NDUFB8: variants seen among roughly 807,000 people sequenced by gnomAD.
NDUFB8 encodes NADH:ubiquinone oxidoreductase subunit B8.
A neutral mutation model predicts 26.0 loss-of-function variants in NDUFB8; 17 were observed. That is an observed-to-expected ratio of 0.65 (90% confidence interval 0.45 to 0.98). NDUFB8 has a LOEUF of 0.98. NDUFB8 is among the 50% of genes least tolerant of loss of function. The probability of loss-of-function intolerance (pLI) is 0.00; values close to 1 mark genes in which losing one functional copy is unlikely to be tolerated. For missense variants in NDUFB8, 238 were observed against 255.0 expected (o/e 0.93, Z 0.45); for synonymous variants, 89 against 93.1 (o/e 0.96, Z 0.25).
chr10:100,526,372 C>G (rs1564657799), intron 4 of NDUFB8, 27 bp downstream of exon 4: 1 of 1,562,076 alleles, frequency 6.4e-7, no homozygotes, highest in Middle Eastern at 1.9e-4. Flanking sequence ...GCAAGCGTGC[C>G]TAAGGGAGCA....
At chr10:100,526,905 C>T in intron 3 of NDUFB8, 70 bp downstream of exon 3, 1 of 1,397,144 alleles carries the variant, frequency 7.2e-7, no homozygotes, top group African/African-American at 1.4e-5. Context: ...CAAAGAAGTG[C>T]CATCTGAGCT....
At position 100,524,442 on chromosome 10, in the gene NDUFB8, C is replaced by G. The variant is rs1369995421; in HGVS notation, c.469-513G>C. Among the ~76,000 whole-genome samples, 1 of 152,110 alleles carries G rather than the reference C, an allele frequency of 6.6e-6. No individual in the cohort carries two copies. Among genetic ancestry groups the G allele is most frequent in the African/African-American group, 2.4e-5 (1 of 41,418 alleles). On this transcript the variant is annotated intron_variant, in intron 4 of 4. Transcript: ENST00000299166. This position sits in a 1 kb window ranked among gnomAD's most constrained non-coding sequence, Gnocchi z 4.0. ...AGGCTGGGACGTGCTTTAGGGGCTG[C>G]TGGCTTTACCAACAAACAGCTGTCA...
At chr10:100,528,269 G>C (rs572648561) in intron 2 of NDUFB8, among the ~76,000 whole-genome samples, 3 of 152,266 alleles carry the variant, frequency 2.0e-5, no homozygotes, top group Middle Eastern at 3.4e-3. Flanking sequence ...ATAAAGCCGA[G>C]GTGTGTAGCA....
Position 100,526,990 on chromosome 10 carries a change from C to A in NDUFB8, c.297G>T (p.Leu99Phe), listed in dbSNP as rs780865155. The A allele has an allele frequency of 1.3e-5, 21 of 1,614,020 alleles. No homozygotes were observed. Among genetic ancestry groups the A allele is most frequent in the Non-Finnish European group, 1.8e-5 (21 of 1,180,006 alleles). Residue 99 changes from leucine (L) to phenylalanine (F), a missense_variant, in exon 3 of 5, where the codon TTG (leucine) becomes TTT (phenylalanine). Coordinates refer to ENST00000299166, the MANE Select transcript of NDUFB8 (RefSeq NM_005004.4). ...WYSWDQPGLRLNWGEPMHWHL... is the reference protein window; with the variant it reads ...WYSWDQPGLRFNWGEPMHWHL... ...GTTCTCTTACCGGTTCACCCCAGTT[C>A]AACCTCAGGCCCGGCTGGTCCCAGC...
At chr10:100,526,907 A>G in intron 3 of NDUFB8, 68 bp downstream of exon 3, 1 of 1,432,870 alleles carries the variant, frequency 7.0e-7, no homozygotes, top group Non-Finnish European at 9.8e-7. Context: ...AAGAAGTGCC[A>G]TCTGAGCTAA....
chr10:100,529,752 C>T lies in NDUFB8; in HGVS notation c.85+15G>A. 1.2e-6 allele frequency: 2 copies of T among 1,612,154 alleles called. No homozygotes were observed. Among genetic ancestry groups the T allele is most frequent in the Non-Finnish European group, 1.7e-6 (2 of 1,179,516 alleles). On this transcript the variant is annotated intron_variant, in intron 1 of 4. Coordinates refer to ENST00000299166, the MANE Select transcript of NDUFB8 (RefSeq NM_005004.4). Reference sequence around the variant, plus strand: ...ACCCCCTTCCCACACTGAGGTCTCGCCCGTTCTCGCGGACCTGTCCGTGCG... The same window carrying T: ...ACCCCCTTCCCACACTGAGGTCTCGTCCGTTCTCGCGGACCTGTCCGTGCG...
chr10:100,524,714 A>C lies in NDUFB8; in HGVS notation c.469-785T>G, dbSNP rs1291274304. Among the ~76,000 whole-genome samples the C allele has an allele frequency of 6.6e-6, 1 of 152,228 alleles. No homozygotes were observed. The highest frequency in any genetic ancestry group is 1.5e-5 in the Non-Finnish European group (1 of 68,036). On this transcript the variant is annotated intron_variant, in intron 4 of 4. Coordinates refer to ENST00000299166, the MANE Select transcript of NDUFB8 (RefSeq NM_005004.4). The surrounding 1 kb of genome is among the most constrained non-coding windows in gnomAD (Gnocchi z 4.0). ...GCACTGGGCAGCCAACTGCAAACAC[A>C]GCAGCCTCCCTGCTTTCAGCTTCTC...
intron 2 of NDUFB8, among the ~76,000 whole-genome samples, chr10:100,528,432 G>C (rs765937791): frequency 2.0e-5 from 3 of 152,134 alleles, no homozygotes; most frequent in Non-Finnish European, 2.9e-5. Context: ...AAAAATTAAA[G>C]TTTAGAGTCT....
At chr10:100,529,314 A>C in intron 2 of NDUFB8, 66 bp downstream of exon 2, 1 of 1,455,874 alleles carries the variant, frequency 6.9e-7, no homozygotes, top group Non-Finnish European at 9.1e-7. Context: ...GTCACAGTCA[A>C]GCCACCCAAC....
At chr10:100,525,440 G>A (rs1449402986) in intron 4 of NDUFB8, among the ~76,000 whole-genome samples, 1 of 151,660 alleles carries the variant, frequency 6.6e-6, no homozygotes, top group Non-Finnish European at 1.5e-5. Context: ...TGTATACTTT[G>A]TAGAGACGGG....
chr10:100,529,570 G>A (rs936635438), intron 1 of NDUFB8, 64 bp from the exon 2 acceptor site: 27 of 1,598,606 alleles, frequency 1.7e-5, no homozygotes, highest in Middle Eastern at 1.7e-4. Flanking sequence ...AAGGCTTCAA[G>A]TCGCAGGGGC....
intron 4 of NDUFB8, 163 bp downstream of exon 4, chr10:100,526,236 T>A (rs575923504): frequency 1.5e-6 from 1 of 685,458 alleles, no homozygotes; most frequent in East Asian, 3.3e-5. Context: ...AGTGCTGTGG[T>A]ACTTGTGGCA....
intron 3 of NDUFB8, 197 bp from the exon 4 acceptor site, chr10:100,526,751 A>G: frequency 1.3e-6 from 1 of 756,078 alleles, no homozygotes; most frequent in Non-Finnish European, 2.1e-6. Flanking sequence ...CTGAATAGGG[A>G]CAGCTCCATC....
rs374478312 is a variant in NDUFB8, at chr10:100,529,266, T to C, written c.212+114A>G. The C allele has an allele frequency of 9.3e-5, 55 of 592,526 alleles. No individual in the cohort carries two copies. The African/African-American group carries it at 1.3e-3, about 13-fold the overall frequency. 36.7% of individuals were successfully genotyped at this position (592,526 alleles called of 1,614,324 possible). A position where few individuals can be genotyped will look rare whatever the true frequency, so the allele number is the denominator to read the frequency against. ...TCCACAGAGAAAAGCACCCACTCCA[T>C]TGACTCTGAGGGGTCACGAGAAGGT... On this transcript the variant is annotated intron_variant, in intron 2 of 4. Transcript: ENST00000299166.
At chr10:100,527,158 A>C in intron 2 of NDUFB8, 84 bp from the exon 3 acceptor site, 4 of 1,136,084 alleles carry the variant, frequency 3.5e-6, no homozygotes, top group Non-Finnish European at 5.2e-6. Flanking sequence ...ATGAGAAACA[A>C]AGTGACAGAG....
chr10:100,524,239 T>TA lies in NDUFB8; in HGVS notation c.469-311dup. 1.8e-6 allele frequency: 2 copies of TA among 1,082,234 alleles called. No individual in the cohort carries two copies. Among genetic ancestry groups the TA allele is most frequent in the Non-Finnish European group, 2.8e-6 (2 of 725,242 alleles). The allele number at this position is 1,082,234 out of a possible 1,614,324, so 67.0% of individuals were successfully genotyped here. ...GGTAAAGAAAGAGAGAAGAGTGTGT[T>TA]AGAGTCAGAGGCAACACTTTCTAAA... On this transcript the variant is annotated intron_variant, in intron 4 of 4. Coordinates refer to ENST00000299166, the MANE Select transcript of NDUFB8 (RefSeq NM_005004.4). The surrounding 1 kb of genome is among the most constrained non-coding windows in gnomAD (Gnocchi z 4.0).
chr10:100,526,731 C>A, intron 3 of NDUFB8, 177 bp from the exon 4 acceptor site: 2 of 810,768 alleles, frequency 2.5e-6, no homozygotes, highest in Non-Finnish European at 3.9e-6. Context: ...TGGCCTCTGT[C>A]TAGGTTCTGC....
At chr10:100,528,670 G>A (rs1852092275) in intron 2 of NDUFB8, among the ~76,000 whole-genome samples, 1 of 152,176 alleles carries the variant, frequency 6.6e-6, no homozygotes. Flanking sequence ...GAAAAAACAG[G>A]AAATGATGAC....
intron 2 of NDUFB8, among the ~76,000 whole-genome samples, chr10:100,527,902 C>T (rs1437059500): frequency 6.6e-6 from 1 of 152,202 alleles, no homozygotes; most frequent in African/African-American, 2.4e-5. Flanking sequence ...TTACTGCAAC[C>T]TCCACCTCCC....
Sources: gnomAD v4.1 joint callset for allele counts (sites outside exome capture counted in the v4.1 genomes callset) on GRCh38, gnomAD v4.1.1 for gene constraint, Gnocchi (gnomAD v3.1) non-coding constraint, MANE v1.5 for transcripts, NCBI Gene and HGNC (gene_info 2026-07-23, HGNC 2026-07-21) for gene names.